CCDC201: variants seen among roughly 807,000 people sequenced by gnomAD.
The protein encoded by CCDC201 is coiled-coil domain containing 201, also known as coiled-coil domain-containing protein 201.
At chr7:45,882,069 C>T in the CCDC201 span, among the ~76,000 whole-genome samples, 2 of 152,078 alleles carry the variant, frequency 1.3e-5, no homozygotes, top group East Asian at 3.9e-4. Flanking sequence ...TTTTTTTCCC[C>T]GTGTTAAAAA....
At chr7:45,878,168 G>C in the CCDC201 span, among the ~76,000 whole-genome samples, 1 of 152,220 alleles carries the variant, frequency 6.6e-6, no homozygotes, top group Non-Finnish European at 1.5e-5. Context: ...TCCCCTGTGG[G>C]ACTGCAGGGT....
intron 1 of CCDC201, among the ~76,000 whole-genome samples, chr7:45,867,687 G>A (rs1786692760): frequency 6.6e-6 from 1 of 152,216 alleles, no homozygotes; most frequent in African/African-American, 2.4e-5. Context: ...AGTCTAAGGT[G>A]AAACCCTGAG....
At chr7:45,866,720 T>A (rs564889667) in intron 1 of CCDC201, among the ~76,000 whole-genome samples, 8 of 152,294 alleles carry the variant, frequency 5.3e-5, no homozygotes, top group African/African-American at 1.9e-4. Flanking sequence ...GCTTGCCTTT[T>A]CATGGATGTA....
At position 45,866,138 on chromosome 7, in the gene CCDC201, T is replaced by TTGCTGC. The variant is rs202125878; in HGVS notation, c.369_374dup (p.Gln124_Gln125dup). On this transcript the variant is annotated inframe_insertion, in exon 2 of 3. Transcript: ENST00000636578. ...CCCAGCTCTTTGCCCGGAGGGACTC[T>TTGCTGC]TGCTGCTGCTGCTGCTGCTGCCGCT... 942 of 200,680 alleles carry TTGCTGC rather than the reference T, an allele frequency of 4.7e-3. 11 individuals carry two copies. Among genetic ancestry groups the TTGCTGC allele is most frequent in the African/African-American group, 0.011 (467 of 42,304 alleles). The allele number at this position is 200,680 out of a possible 1,614,324, so 12.4% of individuals were successfully genotyped here. A position where few individuals can be genotyped will look rare whatever the true frequency, so the allele number is the denominator to read the frequency against.
At chr7:45,881,196 T>A in the CCDC201 span, among the ~76,000 whole-genome samples, 1 of 152,142 alleles carries the variant, frequency 6.6e-6, no homozygotes, top group Non-Finnish European at 1.5e-5. Context: ...GAGATGCATG[T>A]GTCTCCTGGG....
intron 1 of CCDC201, among the ~76,000 whole-genome samples, chr7:45,871,288 A>G (rs1786740622): frequency 6.6e-6 from 1 of 152,174 alleles, no homozygotes; most frequent in South Asian, 2.1e-4. Flanking sequence ...AAAAATAATA[A>G]CAGCAAAGCC....
chr7:45,874,078 C>T (rs942045236), upstream of CCDC201, among the ~76,000 whole-genome samples: 1 of 152,020 alleles, frequency 6.6e-6, no homozygotes, highest in Admixed American at 6.5e-5. Context: ...TGCCACCATG[C>T]CTGGCTAATT....
the CCDC201 span, among the ~76,000 whole-genome samples, chr7:45,880,081 G>C: frequency 2.6e-5 from 4 of 152,120 alleles, no homozygotes; most frequent in Non-Finnish European, 5.9e-5. Context: ...GTGAGACTCT[G>C]TCTTCACACA....
At chr7:45,880,730 C>T in the CCDC201 span, among the ~76,000 whole-genome samples, 23 of 152,360 alleles carry the variant, frequency 1.5e-4, no homozygotes, top group East Asian at 1.3e-3. Flanking sequence ...TAGTGCTTGC[C>T]GCCGTGTTGT....
intron 2 of CCDC201, among the ~76,000 whole-genome samples, chr7:45,864,115 C>T (rs1402191224): frequency 6.6e-6 from 1 of 152,166 alleles, no homozygotes; most frequent in Non-Finnish European, 1.5e-5. Flanking sequence ...CAGAGGGTGA[C>T]CTCTAGGGAG....
chr7:45,874,227 A>G (rs907868814), upstream of CCDC201, among the ~76,000 whole-genome samples: 2 of 152,160 alleles, frequency 1.3e-5, no homozygotes, highest in Non-Finnish European at 2.9e-5. Context: ...GCCTGTTTTA[A>G]TAAGGGAAAG....
chr7:45,871,867 T>C (rs1338780443), intron 1 of CCDC201, among the ~76,000 whole-genome samples: 1 of 152,170 alleles, frequency 6.6e-6, no homozygotes, highest in East Asian at 1.9e-4. Context: ...TTCAAAAATT[T>C]AGAAGTATGA....
At chr7:45,873,245 G>A (rs1786761336), upstream of CCDC201, among the ~76,000 whole-genome samples, 1 of 152,132 alleles carries the variant, frequency 6.6e-6, no homozygotes, top group Non-Finnish European at 1.5e-5. Flanking sequence ...CCTGTGGGAA[G>A]TGAAGGCTGG....
chr7:45,867,189 T>C (rs1786687605), intron 1 of CCDC201, among the ~76,000 whole-genome samples: 1 of 152,142 alleles, frequency 6.6e-6, no homozygotes, highest in Non-Finnish European at 1.5e-5. Flanking sequence ...TAAAGTGACC[T>C]GACAGCAGAT....
Position 45,864,667 on chromosome 7 carries a change from C to T in CCDC201, c.477+1369G>A, listed in dbSNP as rs374872790. ...GAAAACTCCACTGCAAAATCAGCAC[C>T]CTCAGAAGGTGAGAGAAGACAGCAA... On this transcript the variant is annotated intron_variant, in intron 2 of 2. Transcript: ENST00000636578. Among the ~76,000 whole-genome samples, 5 of 152,022 alleles carry T rather than the reference C, an allele frequency of 3.3e-5. 1 individual carries two copies. The highest frequency in any genetic ancestry group is 4.2e-4 in the South Asian group (2 of 4,808).
chr7:45,878,935 CTT>C, the CCDC201 span, among the ~76,000 whole-genome samples: 1 of 152,252 alleles, frequency 6.6e-6, no homozygotes, highest in Non-Finnish European at 1.5e-5. Context: ...CAGATAATCT[CTT>C]TGCACATGCA....
chr7:45,870,868 A>G (rs1232705932), intron 1 of CCDC201, among the ~76,000 whole-genome samples: 1 of 152,222 alleles, frequency 6.6e-6, no homozygotes, highest in Non-Finnish European at 1.5e-5. Context: ...TCAGCACTGG[A>G]AAGACTTTAA....
intron 1 of CCDC201, among the ~76,000 whole-genome samples, chr7:45,866,822 C>G (rs965984225): frequency 2.0e-5 from 3 of 152,132 alleles, no homozygotes; most frequent in Non-Finnish European, 2.9e-5. Context: ...TATTTTTCCA[C>G]CAAGAAAAAT....
At chr7:45,871,017 ACTAAT>A (rs1343280739) in intron 1 of CCDC201, among the ~76,000 whole-genome samples, 1 of 152,232 alleles carries the variant, frequency 6.6e-6, no homozygotes, top group Non-Finnish European at 1.5e-5. Flanking sequence ...ACTACTTTTA[ACTAAT>A]CTATTTATAA....
Sources: gnomAD v4.1 joint callset for allele counts (sites outside exome capture counted in the v4.1 genomes callset) on GRCh38, gnomAD v4.1.1 for gene constraint, MANE v1.5 for transcripts, NCBI Gene and HGNC (gene_info 2026-07-23, HGNC 2026-07-21) for gene names.